The following GFPT2 variants were observed in gnomAD, a reference collection of about 807,000 sequenced individuals.
GFPT2 encodes the protein glutamine--fructose-6-phosphate aminotransferase [isomerizing] 2.
GFPT2 carries 62 observed loss-of-function variants against 85.6 expected under a neutral mutation model. That is an observed-to-expected ratio of 0.72 (90% confidence interval 0.59 to 0.90). The LOEUF (loss-of-function observed/expected upper bound fraction) is 0.90. GFPT2 is among the 40% of genes least tolerant of loss of function. The pLI is 0.00. For missense variants in GFPT2, 788 were observed against 893.4 expected (o/e 0.88, Z 1.50); for synonymous variants, 368 against 344.5 (o/e 1.07, Z -0.75).
Position 180,328,128 on chromosome 5 carries a change from C to A in GFPT2, c.596+149G>T. 3.7e-6 allele frequency: 2 copies of A among 541,136 alleles called. No homozygotes were observed. The highest frequency in any genetic ancestry group is 2.6e-5 in the South Asian group (1 of 38,294). The allele number at this position is 541,136 out of a possible 1,614,324, so 33.5% of individuals were successfully genotyped here. The stretch of plus-strand genomic sequence containing the variant: ...ACCACCAGCCATGGAGATGGTGGGG[C>A]GCGGTCCCCGGGGCTGAGCCACAGT... On this transcript the variant is annotated intron_variant, in intron 7 of 18. Coordinates refer to ENST00000253778, the MANE Select transcript of GFPT2 (RefSeq NM_005110.4). The surrounding 1 kb of genome is among the most constrained non-coding windows in gnomAD (Gnocchi z 5.4).
At chr5:180,332,987 T>C (rs986033240) in intron 4 of GFPT2, among the ~76,000 whole-genome samples, 7 of 152,224 alleles carry the variant, frequency 4.6e-5, no homozygotes, top group Non-Finnish European at 7.3e-5. Context: ...AAAAAAATTG[T>C]AGTGTTTGTT....
chr5:180,336,377 T>G, intron 3 of GFPT2, 102 bp downstream of exon 3: 1 of 783,530 alleles, frequency 1.3e-6, no homozygotes, highest in South Asian at 1.4e-5. Flanking sequence ...TTATCTGAGC[T>G]GGGACAAAGG....
At chr5:180,348,867 G>A (rs768451022) in intron 1 of GFPT2, among the ~76,000 whole-genome samples, 1 of 150,464 alleles carries the variant, frequency 6.6e-6, no homozygotes, top group Admixed American at 6.6e-5. Flanking sequence ...TCTCCTTCCC[G>A]AGTAGCTGGG....
rs1764054045 is a variant in GFPT2, at chr5:180,318,384, G to A, written c.958+409C>T. Among the ~76,000 whole-genome samples the A allele has an allele frequency of 1.3e-5, 2 of 152,148 alleles. No individual in the cohort carries two copies. The highest frequency in any genetic ancestry group is 2.4e-5 in the African/African-American group (1 of 41,418). ...CTGCCCTGTGGGGTAGAGGTTGTAA[G>A]GGGACAGAAATGGGTGCAGACAGAG... On this transcript the variant is annotated intron_variant, in intron 10 of 18. Transcript: ENST00000253778. The surrounding 1 kb of genome is among the most constrained non-coding windows in gnomAD (Gnocchi z 4.2).
intron 1 of GFPT2, among the ~76,000 whole-genome samples, chr5:180,349,626 C>T (rs1048768937): frequency 6.6e-6 from 1 of 152,080 alleles, no homozygotes; most frequent in Non-Finnish European, 1.5e-5. Flanking sequence ...GACAGATTCT[C>T]CTCAGAGCCT....
chr5:180,336,057 A>T, intron 3 of GFPT2, 104 bp from the exon 4 acceptor site: 1 of 1,135,070 alleles, frequency 8.8e-7, no homozygotes, highest in Non-Finnish European at 1.2e-6. Context: ...ACCCACACCG[A>T]TGGCACCTCC....
At chr5:180,303,928 G>A (rs114987035) in intron 17 of GFPT2, among the ~76,000 whole-genome samples, 2 of 152,172 alleles carry the variant, frequency 1.3e-5, no homozygotes, top group African/African-American at 4.8e-5. Flanking sequence ...CCAGCCACAT[G>A]ATTAGAAGGT....
intron 9 of GFPT2, among the ~76,000 whole-genome samples, chr5:180,322,020 C>A (rs1207653150): frequency 6.6e-6 from 1 of 152,102 alleles, no homozygotes; most frequent in Non-Finnish European, 1.5e-5. Context: ...ATCTCCTGAT[C>A]TCATGATCTG....
intron 15 of GFPT2, among the ~76,000 whole-genome samples, chr5:180,307,700 C>T (rs188026045): frequency 1.6e-4 from 24 of 152,306 alleles, no homozygotes; most frequent in Non-Finnish European, 2.6e-4. Flanking sequence ...GGTTCTCAAA[C>T]CCTTTGGTCT....
chr5:180,334,657 T>C (rs1199654271), intron 4 of GFPT2, among the ~76,000 whole-genome samples: 1 of 152,210 alleles, frequency 6.6e-6, no homozygotes, highest in Admixed American at 6.5e-5. Context: ...TCCAGTTGAC[T>C]TCAGAAATCA....
chr5:180,325,379 T>C (rs1764196281), intron 7 of GFPT2, among the ~76,000 whole-genome samples: 1 of 152,186 alleles, frequency 6.6e-6, no homozygotes, highest in Non-Finnish European at 1.5e-5. Flanking sequence ...CTAGCATTAG[T>C]GGGCACTAGT....
chr5:180,316,461 T>C lies in GFPT2; in HGVS notation c.1153A>G (p.Thr385Ala). 1 of 1,614,108 alleles carries C rather than the reference T, an allele frequency of 6.2e-7. No homozygotes were observed. The highest frequency in any genetic ancestry group is 2.2e-5 in the East Asian group (1 of 44,886). ...GTCAGTTCCTCCAAAACTTGCCGCG[T>C]CTGAAGCCAACAAGCAAGCATGGAG... ...CGTSYHAAVA[T>A]RQVLEELTEL... The change falls in exon 13 of 19, where the codon ACG (threonine) becomes GCG (alanine). Residue 385 changes from threonine (T) to alanine (A), a missense_variant and splice_region_variant. Coordinates refer to ENST00000253778, the MANE Select transcript of GFPT2 (RefSeq NM_005110.4).
chr5:180,313,674 C>A (rs745335495), intron 14 of GFPT2, 133 bp downstream of exon 14: 12 of 531,498 alleles, frequency 2.3e-5, no homozygotes, highest in Non-Finnish European at 3.1e-5. Context: ...AGGAAAGGAG[C>A]GGAGAGAAGG....
At chr5:180,329,008 T>C (rs1764260299) in intron 6 of GFPT2, among the ~76,000 whole-genome samples, 1 of 152,240 alleles carries the variant, frequency 6.6e-6, no homozygotes, top group Non-Finnish European at 1.5e-5. Flanking sequence ...AAGCCAGAAC[T>C]AGAATCCAGC....
At chr5:180,351,667 T>C (rs995081350) in intron 1 of GFPT2, among the ~76,000 whole-genome samples, 1 of 152,136 alleles carries the variant, frequency 6.6e-6, no homozygotes, top group African/African-American at 2.4e-5. Context: ...ACAACGCGTG[T>C]GTGTCCCTTT....
Position 180,317,046 on chromosome 5 carries a change from G to C in GFPT2, c.971C>G (p.Ala324Gly). The C allele has an allele frequency of 6.3e-7, 1 of 1,596,016 alleles. No individual in the cohort carries two copies. The change falls in exon 11 of 19, where the codon GCG becomes GGG. Residue 324 changes from alanine (A) to glycine (G), a missense_variant. By Grantham distance (60) the Ala-to-Gly change is moderately conservative. Transcript: ENST00000253778. ...LQQIMKGNFS[A>G]FMQKEIFEQP... is the part of the protein sequence containing the mutation. ...TTCGAAGATCTCCTTCTGCATAAACGCACTGAAGTTACCTGGTCAAATAAA... is the reference window on the plus strand; with the variant it reads ...TTCGAAGATCTCCTTCTGCATAAACCCACTGAAGTTACCTGGTCAAATAAA...
rs1455351841 is a variant in GFPT2 at position 180,330,840 on chromosome 5, A to G, written c.400-6T>C. On this transcript the variant is annotated splice_region_variant and splice_polypyrimidine_tract_variant and intron_variant, in intron 5 of 18. Transcript: ENST00000253778. This position sits in a 1 kb window ranked among gnomAD's most constrained non-coding sequence, Gnocchi z 4.4. ...AACTCGTAGCCTTTGCTTTCCTGGA[A>G]TATGCAGTCGGCACAGTGTGAGAGA... 1 of 1,613,682 alleles carries G rather than the reference A, an allele frequency of 6.2e-7. No homozygotes were observed. The highest frequency in any genetic ancestry group is 1.3e-5 in the African/African-American group (1 of 74,922).
At chr5:180,338,758 AC>A in intron 1 of GFPT2, among the ~76,000 whole-genome samples, 158 bp from the exon 2 acceptor site, 2 of 152,156 alleles carry the variant, frequency 1.3e-5, no homozygotes, top group Middle Eastern at 6.8e-3. Flanking sequence ...AGAACGGTGC[AC>A]CCCTTCTTCC....
chr5:180,315,994 T>C (rs1208981153), intron 13 of GFPT2, among the ~76,000 whole-genome samples: 1 of 152,254 alleles, frequency 6.6e-6, no homozygotes, highest in Non-Finnish European at 1.5e-5. Flanking sequence ...GAGATGCTTT[T>C]TCTATTAACA....
Sources: allele counts gnomAD v4.1 joint callset (sites outside exome capture counted in the v4.1 genomes callset), GRCh38; gene constraint gnomAD v4.1.1; non-coding constraint Gnocchi (gnomAD v3.1); transcripts MANE v1.5; gene names NCBI Gene and HGNC (gene_info 2026-07-23, HGNC 2026-07-21).